HEPHL1: variants seen among roughly 807,000 people sequenced by gnomAD.
HEPHL1 encodes the protein hephaestin like 1, also known as ferroxidase HEPHL1.
In HEPHL1, 123 loss-of-function variants were observed where a neutral mutation model predicts 122.0. The ratio of observed to expected loss-of-function variants is 1.01; its 90% CI spans 0.87 to 1.17. The LOEUF (loss-of-function observed/expected upper bound fraction) is 1.17, where lower values mean the gene tolerates loss of function less well. Among genes scored for constraint, HEPHL1 ranks in the 50% most tolerant of loss-of-function variants. The pLI is 0.00. For missense variants in HEPHL1, 1,452 were observed against 1,430.5 expected, an observed-to-expected ratio of 1.01 and a Z score of -0.24; for synonymous variants, 527 against 508.9, an observed-to-expected ratio of 1.04 and a Z score of -0.48.
chr11:94,098,174 T>C (rs950525616), intron 13 of HEPHL1, among the ~76,000 whole-genome samples: 1 of 152,248 alleles, frequency 6.6e-6, no homozygotes, highest in Non-Finnish European at 1.5e-5. Context: ...TTTCCATGTT[T>C]AGTGCTTCCT....
intron 17 of HEPHL1, 66 bp downstream of exon 17, chr11:94,106,196 G>A: frequency 1.5e-6 from 2 of 1,293,374 alleles, no homozygotes; most frequent in Non-Finnish European, 2.1e-6. Context: ...TATTTCCAGT[G>A]GAAAATAAGA....
At chr11:94,092,530 AT>A (rs1946270684) in intron 12 of HEPHL1, among the ~76,000 whole-genome samples, 1 of 152,134 alleles carries the variant, frequency 6.6e-6, no homozygotes, top group Non-Finnish European at 1.5e-5. Context: ...TTTTCAGATT[AT>A]TTAGTGCCAT....
chr11:94,101,257 A>G lies in HEPHL1; in HGVS notation c.2497A>G (p.Arg833Gly), dbSNP rs768008162. 3.1e-5 allele frequency: 50 copies of G among 1,614,016 alleles called. No homozygotes were observed. The highest frequency in any genetic ancestry group is 1.6e-4 in the Middle Eastern group (1 of 6,062). ...VLIIFKNKAS[R>G]PYSISAQGVE... is the part of the protein sequence containing the mutation. ...GATCATATTTAAGAACAAAGCCAGT[A>G]GGCCCTACTCCATCTCAGCCCAGGG... Residue 833 changes from arginine to glycine, a missense_variant, in exon 14 of 20, where the codon AGG (arginine) becomes GGG (glycine). Arg to Gly is a moderately radical substitution (Grantham distance 125, BLOSUM62 -2). Transcript: ENST00000315765.
At chr11:94,065,277 G>A (rs994015302) in intron 4 of HEPHL1, among the ~76,000 whole-genome samples, 2 of 152,092 alleles carry the variant, frequency 1.3e-5, no homozygotes, top group South Asian at 2.1e-4. Flanking sequence ...TCTAACCAAG[G>A]TATCCTCAAT....
At chr11:94,104,834 C>T in intron 16 of HEPHL1, 84 bp downstream of exon 16, 1 of 1,045,904 alleles carries the variant, frequency 9.6e-7, no homozygotes, top group South Asian at 1.5e-5. Context: ...CAGCATCCTT[C>T]TCTGAGCCTT....
Position 94,082,580 on chromosome 11 carries a change from G to C in HEPHL1, c.1867+12G>C. On this transcript the variant is annotated intron_variant, in intron 10 of 19. Transcript: ENST00000315765. ...CAACCGAATGCATGGTATGACAAAT[G>C]ACATTCCCGCCTGTAAATGAAAGGC... 3 of 1,594,354 alleles carry C rather than the reference G, an allele frequency of 1.9e-6. No homozygotes were observed. Among genetic ancestry groups the C allele is most frequent in the Non-Finnish European group, 2.6e-6 (3 of 1,168,288 alleles).
chr11:94,049,504 C>A (rs1945871163), intron 2 of HEPHL1, among the ~76,000 whole-genome samples: 1 of 151,550 alleles, frequency 6.6e-6, no homozygotes, highest in Admixed American at 6.6e-5. Flanking sequence ...GGGCATTTAT[C>A]CAAAGGAATA....
intron 5 of HEPHL1, among the ~76,000 whole-genome samples, chr11:94,068,590 T>C (rs541360926): frequency 3.0e-4 from 45 of 152,272 alleles, no homozygotes; most frequent in African/African-American, 1.1e-3. Flanking sequence ...GGGAGGCTCA[T>C]CAGGCCCCTT....
chr11:94,104,852 T>TC, intron 16 of HEPHL1, 102 bp downstream of exon 16: 1 of 887,504 alleles, frequency 1.1e-6, no homozygotes, highest in Non-Finnish European at 1.8e-6. Context: ...CTTTCCTCCT[T>TC]CCCAGGGGCA....
In HEPHL1 at chr11:94,070,408, C is replaced by T. The variant is rs1284337418; in HGVS notation, c.1098C>T (p.Cys366=). The change falls in exon 6 of 20, where the codon TGC becomes TGT. Residue 366 remains cysteine, a synonymous_variant. Transcript: ENST00000315765. Reference sequence around the variant, plus strand: ...TGGGGCAATACAATGTTGATAACTGCAAAAGTGATATTTTCTACCCCAAGA... The same window carrying T: ...TGGGGCAATACAATGTTGATAACTGTAAAAGTGATATTTTCTACCCCAAGA... ...GMLGQYNVDN[C]KSDIFYPKMK... 2 of 1,602,242 alleles carry T rather than the reference C, an allele frequency of 1.2e-6. No homozygotes were observed. The highest frequency in any genetic ancestry group is 1.3e-5 in the African/African-American group (1 of 74,758).
At chr11:94,066,730 C>T (rs951614579) in intron 4 of HEPHL1, among the ~76,000 whole-genome samples, 5 of 152,158 alleles carry the variant, frequency 3.3e-5, no homozygotes, top group Non-Finnish European at 7.4e-5. Context: ...AGTCATCAGG[C>T]ATTTCAGCAA....
intron 14 of HEPHL1, among the ~76,000 whole-genome samples, chr11:94,102,410 C>G (rs1234283517): frequency 1.3e-5 from 2 of 152,086 alleles, no homozygotes; most frequent in Non-Finnish European, 2.9e-5. Flanking sequence ...TGGTTCTCAC[C>G]AGATCTCACC....
intron 13 of HEPHL1, 31 bp from the exon 14 acceptor site, chr11:94,101,164 T>C: frequency 6.2e-7 from 1 of 1,607,022 alleles, no homozygotes; most frequent in South Asian, 1.1e-5. Context: ...AGAGCAATAA[T>C]AATGCACACA....
intron 5 of HEPHL1, among the ~76,000 whole-genome samples, chr11:94,068,403 G>A (rs1016397857): frequency 6.6e-6 from 1 of 152,142 alleles, no homozygotes; most frequent in African/African-American, 2.4e-5. Context: ...CTCAAATTGA[G>A]ACAAAATCCA....
At chr11:94,049,320 C>T (rs916322084) in intron 2 of HEPHL1, among the ~76,000 whole-genome samples, 2 of 434 alleles carry the variant, frequency 4.6e-3, no homozygotes, top group Non-Finnish European at 0.011. Flanking sequence ...AAAAGTACCC[C>T]CTCCAAACCC....
chr11:94,027,145 C>T (rs1945632189), intron 1 of HEPHL1, among the ~76,000 whole-genome samples: 1 of 152,148 alleles, frequency 6.6e-6, no homozygotes, highest in South Asian at 2.1e-4. Flanking sequence ...ATCTCTGCCT[C>T]CATTTTCATA....
chr11:94,064,769 G>A (rs1945784), intron 4 of HEPHL1, among the ~76,000 whole-genome samples: 85,544 of 151,920 alleles, frequency 0.56, 24,322 homozygotes, highest in South Asian at 0.68. Context: ...TGGAGGGATC[G>A]ATGTTATATT....
At chr11:94,036,169 T>A (rs1034126356) in intron 1 of HEPHL1, among the ~76,000 whole-genome samples, 5 of 152,246 alleles carry the variant, frequency 3.3e-5, no homozygotes, top group Admixed American at 3.3e-4. Flanking sequence ...AGAAACTTTA[T>A]ATATTCTGGT....
intron 2 of HEPHL1, among the ~76,000 whole-genome samples, chr11:94,063,114 G>A (rs1035334100): frequency 6.6e-6 from 1 of 152,266 alleles, no homozygotes; most frequent in African/African-American, 2.4e-5. Context: ...AAGTCCCCAA[G>A]AAGTGTTTAT....
Sources: gnomAD v4.1 joint callset for allele counts (sites outside exome capture counted in the v4.1 genomes callset) on GRCh38, gnomAD v4.1.1 for gene constraint, MANE v1.5 for transcripts, NCBI Gene and HGNC (gene_info 2026-07-23, HGNC 2026-07-21) for gene names.